The following CFAP299 variants were observed in gnomAD, a reference collection of about 807,000 sequenced individuals.
The protein encoded by CFAP299 is cilia- and flagella-associated protein 299.
In CFAP299, 21 loss-of-function variants were observed where a neutral mutation model predicts 27.0. That is an observed-to-expected ratio of 0.78 (90% CI 0.55 to 1.12). The LOEUF (loss-of-function observed/expected upper bound fraction) is 1.12, where lower values mean the gene tolerates loss of function less well. Among genes scored for constraint, CFAP299 ranks in the 50% most tolerant of loss-of-function variants. The probability of loss-of-function intolerance (pLI) is 0.00; values close to 1 mark genes in which losing one functional copy is unlikely to be tolerated. For missense variants in CFAP299, 310 were observed against 276.6 expected (o/e 1.12, Z -0.86); for synonymous variants, 104 against 98.1 (o/e 1.06, Z -0.36).
intron 4 of CFAP299, among the ~76,000 whole-genome samples, chr4:80,900,531 A>T (rs1162666877): frequency 6.6e-6 from 1 of 152,124 alleles, no homozygotes; most frequent in South Asian, 2.1e-4. Context: ...GTATCATCTA[A>T]ATAAATCTGT....
intron 3 of CFAP299, among the ~76,000 whole-genome samples, chr4:80,774,209 T>G (rs1440738628): frequency 2.0e-5 from 3 of 151,976 alleles, no homozygotes; most frequent in Non-Finnish European, 4.4e-5. Flanking sequence ...TAAATCAGTA[T>G]TAATTTGAAG....
chr4:80,439,814 G>T (rs944117900), intron 2 of CFAP299, among the ~76,000 whole-genome samples: 1 of 152,148 alleles, frequency 6.6e-6, no homozygotes, highest in Non-Finnish European at 1.5e-5. Context: ...GGAAATTCTT[G>T]CTGCCATCAC....
At chr4:80,429,999 AT>A (rs1219490696) in intron 2 of CFAP299, among the ~76,000 whole-genome samples, 1 of 152,080 alleles carries the variant, frequency 6.6e-6, no homozygotes, top group Admixed American at 6.6e-5. Context: ...TGAATTTCCA[AT>A]TGGTGCTATC....
At chr4:80,361,144 A>G (rs1723523966) in intron 1 of CFAP299, among the ~76,000 whole-genome samples, 1 of 152,178 alleles carries the variant, frequency 6.6e-6, no homozygotes. Flanking sequence ...ATCAATATCG[A>G]CTTTCAGTTT....
At chr4:80,386,313 C>T (rs1321742630) in intron 2 of CFAP299, 5 of 1,313,452 alleles carry the variant, frequency 3.8e-6, no homozygotes, top group Non-Finnish European at 2.1e-6. Flanking sequence ...AGATTCTGTG[C>T]CCACCGCACC....
chr4:80,666,538 C>T (rs1195620873), intron 3 of CFAP299, among the ~76,000 whole-genome samples: 1 of 152,084 alleles, frequency 6.6e-6, no homozygotes, highest in Non-Finnish European at 1.5e-5. Context: ...ATTTGGATGC[C>T]ACCTTCCTTC....
At chr4:80,728,001 AT>A (rs1419980325) in intron 3 of CFAP299, among the ~76,000 whole-genome samples, 1 of 152,040 alleles carries the variant, frequency 6.6e-6, no homozygotes, top group East Asian at 1.9e-4. Flanking sequence ...AGAATATCTC[AT>A]TTCAACTATG....
chr4:80,738,701 G>T (rs545851896), intron 3 of CFAP299, among the ~76,000 whole-genome samples: 2 of 149,948 alleles, frequency 1.3e-5, no homozygotes, highest in African/African-American at 4.9e-5. Context: ...CTATGTCTTT[G>T]CTGGGAGAGT....
intron 2 of CFAP299, among the ~76,000 whole-genome samples, chr4:80,374,446 C>A (rs1202974692): frequency 1.3e-5 from 2 of 152,278 alleles, no homozygotes; most frequent in African/African-American, 4.8e-5. Flanking sequence ...AGAAAGGCCT[C>A]TATTTTCTTT....
chr4:80,872,374 A>G (rs1733143418), intron 4 of CFAP299: 1 of 152,128 alleles, frequency 6.6e-6, no homozygotes, highest in Admixed American at 6.6e-5. Flanking sequence ...GTGAATCTAT[A>G]ATTATATTAT....
chr4:80,329,829 T>G, the CFAP299 span, among the ~76,000 whole-genome samples: 1 of 152,174 alleles, frequency 6.6e-6, no homozygotes, highest in South Asian at 2.1e-4. Context: ...TAGATCAAGC[T>G]CTTAGGAATT....
At chr4:80,645,406 G>T (rs1262864814) in intron 3 of CFAP299, among the ~76,000 whole-genome samples, 6 of 151,988 alleles carry the variant, frequency 3.9e-5, no homozygotes, top group Non-Finnish European at 5.9e-5. Context: ...TCTACCTCTT[G>T]AGGATGCTGG....
intron 2 of CFAP299, among the ~76,000 whole-genome samples, chr4:80,441,411 A>G (rs1728350488): frequency 6.6e-6 from 1 of 152,226 alleles, no homozygotes; most frequent in Admixed American, 6.5e-5. Context: ...CAACATTCTT[A>G]AAGAAAAGAG....
chr4:80,506,845 G>A (rs1251272993), intron 2 of CFAP299, among the ~76,000 whole-genome samples: 1 of 152,072 alleles, frequency 6.6e-6, no homozygotes, highest in African/African-American at 2.4e-5. Flanking sequence ...CTAGTTGTAA[G>A]GTTAGTTAAG....
intron 2 of CFAP299, among the ~76,000 whole-genome samples, chr4:80,377,200 A>G (rs1193547890): frequency 6.6e-6 from 1 of 152,068 alleles, no homozygotes; most frequent in Non-Finnish European, 1.5e-5. Flanking sequence ...TTGAATTCCT[A>G]GTTACAAGTA....
intron 4 of CFAP299, among the ~76,000 whole-genome samples, chr4:80,944,364 T>C (rs1184444720): frequency 6.6e-6 from 1 of 151,974 alleles, no homozygotes; most frequent in African/African-American, 2.4e-5. Flanking sequence ...CTGAGAAACA[T>C]ATTATTGAGG....
At chr4:80,393,701 G>T (rs1055352320) in intron 2 of CFAP299, among the ~76,000 whole-genome samples, 1 of 152,044 alleles carries the variant, frequency 6.6e-6, no homozygotes, top group South Asian at 2.1e-4. Context: ...TACCATCTAG[G>T]TTTGTGTCAG....
At chr4:80,333,071 A>T (rs535559919), upstream of CFAP299, among the ~76,000 whole-genome samples, 4 of 152,212 alleles carry the variant, frequency 2.6e-5, 2 homozygotes, top group African/African-American at 9.6e-5. Flanking sequence ...ATTCCATCTT[A>T]TACTTGTATT....
In CFAP299 at chr4:80,454,384, A is replaced by G. The variant is rs561387162; in HGVS notation, c.242+91500A>G. 5.3e-5 allele frequency among the ~76,000 whole-genome samples: 8 copies of G among 152,356 alleles called. No individual in the cohort carries two copies. The East Asian group carries it at 1.3e-3, about 26-fold the overall frequency. ...ATTTAGGCAAAATATTGGAAGGTTC[A>G]TGTCTTCAGATAAAGTGACTGCCTG... On this transcript the variant is annotated intron_variant, in intron 2 of 5. Coordinates refer to ENST00000358105, the MANE Select transcript of CFAP299 (RefSeq NM_152770.3).
Sources: gnomAD v4.1 joint callset for allele counts (sites outside exome capture counted in the v4.1 genomes callset) on GRCh38, gnomAD v4.1.1 for gene constraint, MANE v1.5 for transcripts, NCBI Gene and HGNC (gene_info 2026-07-23, HGNC 2026-07-21) for gene names.